CCDC6: variants seen among roughly 807,000 people sequenced by gnomAD.
The protein encoded by CCDC6 is coiled-coil domain-containing protein 6.
A neutral mutation model predicts 56.6 loss-of-function variants in CCDC6; 20 were observed. The ratio of observed to expected loss-of-function variants is 0.35; its 90% CI spans 0.25 to 0.51. CCDC6 has a LOEUF of 0.51. Ranked by LOEUF, CCDC6 falls within the 20% of genes least tolerant of loss-of-function variation. CCDC6 has a pLI of 0.95. For synonymous variants in CCDC6, 241 were observed against 234.4 expected (o/e 1.03, Z -0.26); for missense variants, 367 against 601.1 (o/e 0.61, Z 4.07).
intron 1 of CCDC6, among the ~76,000 whole-genome samples, chr10:59,856,959 G>C (rs2132659266): frequency 6.6e-6 from 1 of 152,268 alleles, no homozygotes; most frequent in East Asian, 1.9e-4. Context: ...GGAAAATCTG[G>C]AGGAAACAGA....
chr10:59,851,130 T>G (rs2071035296), intron 2 of CCDC6, among the ~76,000 whole-genome samples: 1 of 32,542 alleles, frequency 3.1e-5, no homozygotes, highest in Admixed American at 3.1e-4. Flanking sequence ...CCATGTAAAT[T>G]GAAAAAAAAA....
chr10:59,877,362 T>C (rs1294776683), intron 1 of CCDC6, among the ~76,000 whole-genome samples: 2 of 152,332 alleles, frequency 1.3e-5, no homozygotes, highest in African/African-American at 2.4e-5. Context: ...TCCTAGCTAA[T>C]GCAGGAAATA....
intron 5 of CCDC6, among the ~76,000 whole-genome samples, chr10:59,808,761 A>G (rs2132629133): frequency 6.6e-6 from 1 of 152,332 alleles, no homozygotes; most frequent in Non-Finnish European, 1.5e-5. Context: ...ATGCCCATCA[A>G]ATTAGTTTCA....
At chr10:59,880,625 A>G (rs999315630) in intron 1 of CCDC6, among the ~76,000 whole-genome samples, 4 of 152,190 alleles carry the variant, frequency 2.6e-5, no homozygotes, top group African/African-American at 9.7e-5. Context: ...ATGTACACTT[A>G]CCATATGTGT....
chr10:59,879,343 G>C (rs1255674512), intron 1 of CCDC6, among the ~76,000 whole-genome samples: 1 of 152,244 alleles, frequency 6.6e-6, no homozygotes, highest in South Asian at 2.1e-4. Context: ...ATAAACTATA[G>C]ATTTATGAAA....
At chr10:59,898,182 G>C (rs2071478043) in intron 1 of CCDC6, among the ~76,000 whole-genome samples, 1 of 151,958 alleles carries the variant, frequency 6.6e-6, no homozygotes, top group South Asian at 2.1e-4. Flanking sequence ...AAAGAAACAG[G>C]AATAGAGGGA....
chr10:59,817,451 TTACAGGTGTGAGCCACTGCCC>T (rs2070717856), intron 3 of CCDC6, among the ~76,000 whole-genome samples: 1 of 152,154 alleles, frequency 6.6e-6, no homozygotes, highest in Non-Finnish European at 1.5e-5. Context: ...AGTGTTGAGA[TTACAGGTGTGAGCCACTGCCC>T]CCAGCCTCAG....
chr10:59,856,142 T>C (rs1270854122), intron 1 of CCDC6, among the ~76,000 whole-genome samples: 1 of 152,186 alleles, frequency 6.6e-6, no homozygotes, highest in East Asian at 1.9e-4. Context: ...GCAAAGATTT[T>C]GCCAGTTCTT....
Position 59,892,221 on chromosome 10 carries a change from C to T in CCDC6, c.303+13901G>A, listed in dbSNP as rs141983826. Among the ~76,000 whole-genome samples, 169 of 152,364 alleles carry T rather than the reference C, an allele frequency of 1.1e-3. 2 individuals carry two copies. The highest frequency in any genetic ancestry group is 3.8e-3 in the African/African-American group (159 of 41,592). On this transcript the variant is annotated intron_variant, in intron 1 of 8. Coordinates refer to ENST00000263102, the MANE Select transcript of CCDC6 (RefSeq NM_005436.5). ...CAGAGAGGCCAGTTTTGACAGTCTTCTGTCTGCCGATAGTACTAAAGTCAG... is the reference window on the plus strand; with the variant it reads ...CAGAGAGGCCAGTTTTGACAGTCTTTTGTCTGCCGATAGTACTAAAGTCAG...
chr10:59,796,875 G>A (rs552729514), intron 7 of CCDC6, among the ~76,000 whole-genome samples: 1 of 151,734 alleles, frequency 6.6e-6, no homozygotes, highest in South Asian at 2.1e-4. Flanking sequence ...GGAGTCTGAG[G>A]CAGGAGAATG....
At chr10:59,887,481 TAAAAAA>T (rs60170273) in intron 1 of CCDC6, among the ~76,000 whole-genome samples, 13,536 of 136,584 alleles carry the variant, frequency 0.099, 744 homozygotes, top group African/African-American at 0.15. Flanking sequence ...ATGCAACTGT[TAAAAAA>T]AAAAAAAAAA....
chr10:59,829,844 G>A lies in CCDC6; in HGVS notation c.582+2681C>T, dbSNP rs562495519. The stretch of plus-strand genomic sequence containing the variant: ...GATTTGGTGATGGTTGCACAACTCC[G>A]AATACACTGAAAACCACTGGGTTGT... On this transcript the variant is annotated intron_variant, in intron 3 of 8. Coordinates refer to ENST00000263102, the MANE Select transcript of CCDC6 (RefSeq NM_005436.5). Among the ~76,000 whole-genome samples, 119 of 152,290 alleles carry A rather than the reference G, an allele frequency of 7.8e-4. 1 individual carries two copies. The highest frequency in any genetic ancestry group is 2.8e-3 in the African/African-American group (115 of 41,554).
intron 3 of CCDC6, among the ~76,000 whole-genome samples, chr10:59,817,118 A>C (rs2070715866): frequency 1.3e-5 from 2 of 152,218 alleles, no homozygotes; most frequent in African/African-American, 4.8e-5. Context: ...GACTCCTATT[A>C]AACCTTGTGA....
In CCDC6 at chr10:59,836,052, T is replaced by TTAA. The variant is rs777308614; in HGVS notation, c.454-3400_454-3399insTTA. On this transcript the variant is annotated intron_variant, in intron 2 of 8. Transcript: ENST00000263102. ...CTGGGTGACAGACTGCGACCCTGTC[T>TTAA]AAAAAAAAAAAAAAAAAAAAAAGCT... is the stretch of plus-strand genomic sequence containing the variant. 3.1e-4 allele frequency among the ~76,000 whole-genome samples: 18 copies of TTAA among 57,596 alleles called. 1 individual carries two copies. Among genetic ancestry groups the TTAA allele is most frequent in the African/African-American group, 1.1e-3 (16 of 15,236 alleles). The allele number at this position is 57,596 out of a possible 152,430, so 37.8% of individuals were successfully genotyped here. A position where few individuals can be genotyped will look rare whatever the true frequency, so the allele number is the denominator to read the frequency against.
intron 5 of CCDC6, among the ~76,000 whole-genome samples, chr10:59,809,372 G>A (rs1270198944): frequency 1.3e-5 from 2 of 152,176 alleles, no homozygotes; most frequent in Admixed American, 6.5e-5. Context: ...TCAGCAGGGG[G>A]ATCCTTAAAC....
chr10:59,874,921 T>G (rs2071265231), intron 1 of CCDC6, among the ~76,000 whole-genome samples: 1 of 152,208 alleles, frequency 6.6e-6, no homozygotes. Flanking sequence ...AGACCCATAT[T>G]GGACTTCTAA....
intron 8 of CCDC6, among the ~76,000 whole-genome samples, chr10:59,793,769 G>C (rs1411380735): frequency 1.6e-5 from 1 of 62,966 alleles, no homozygotes; most frequent in East Asian, 4.5e-4. Flanking sequence ...GGATGACAGA[G>C]TGAGGAAAAA....
chr10:59,837,746 CAAAAAA>C (rs397940135), intron 2 of CCDC6, among the ~76,000 whole-genome samples: 2 of 49,746 alleles, frequency 4.0e-5, no homozygotes, highest in Non-Finnish European at 7.9e-5. Context: ...GACTCTGTCT[CAAAAAA>C]AAAAAAAAAA....
At chr10:59,860,971 G>T (rs2132661634) in intron 1 of CCDC6, among the ~76,000 whole-genome samples, 1 of 152,188 alleles carries the variant, frequency 6.6e-6, no homozygotes, top group East Asian at 1.9e-4. Flanking sequence ...AAGTTGGGTG[G>T]ATCACTTGAG....
Sources: allele counts gnomAD v4.1 joint callset (sites outside exome capture counted in the v4.1 genomes callset), GRCh38; gene constraint gnomAD v4.1.1; transcripts MANE v1.5; gene names NCBI Gene and HGNC (gene_info 2026-07-23, HGNC 2026-07-21).